The following TRHDE variants were observed in gnomAD, a reference collection of about 807,000 sequenced individuals.
TRHDE encodes thyrotropin-releasing hormone-degrading ectoenzyme.
Under a neutral mutation model 125.7 loss-of-function variants are expected in TRHDE, and 72 were observed. The ratio of observed to expected loss-of-function variants is 0.57; its 90% CI spans 0.47 to 0.70. TRHDE has a LOEUF of 0.70. Among genes scored for constraint, TRHDE ranks in the 30% least tolerant of loss-of-function variants. The pLI, the probability that TRHDE is intolerant of heterozygous loss-of-function variation, is 0.00. For synonymous variants in TRHDE, 509 were observed against 509.1 expected (o/e 1.00, Z 0.00); for missense variants, 1,110 against 1,327.1 (o/e 0.84, Z 2.54).
chr12:72,414,800 T>C (rs1223897533), intron 3 of TRHDE, among the ~76,000 whole-genome samples: 4 of 152,282 alleles, frequency 2.6e-5, no homozygotes, highest in East Asian at 3.9e-4. Context: ...CATTTACTGC[T>C]CTTTGTTGAT....
chr12:72,238,315 T>TATATATATATACACACACACATATAC (rs1878393069), intron 2 of TRHDE, among the ~76,000 whole-genome samples: 1 of 32,024 alleles, frequency 3.1e-5, no homozygotes, highest in African/African-American at 1.2e-4. Context: ...TATATATATA[T>TATATATATATACACACACACATATAC]ATATATACAT....
At chr12:72,302,506 T>C (rs981339302) in intron 2 of TRHDE, among the ~76,000 whole-genome samples, 1 of 152,186 alleles carries the variant, frequency 6.6e-6, no homozygotes, top group African/African-American at 2.4e-5. Flanking sequence ...ATATTTATAA[T>C]AATATAAGGA....
chr12:72,229,472 G>A (rs973918813), intron 2 of TRHDE, among the ~76,000 whole-genome samples: 4 of 152,144 alleles, frequency 2.6e-5, no homozygotes, highest in East Asian at 1.9e-4. Flanking sequence ...AATCCAAGAT[G>A]AGATTTGGGT....
intron 1 of TRHDE, among the ~76,000 whole-genome samples, chr12:72,087,735 G>T (rs1874700916): frequency 6.6e-6 from 1 of 152,064 alleles, no homozygotes. Flanking sequence ...TGGAACAACT[G>T]CTCAGGGAAT....
At chr12:72,435,427 C>A (rs1209466765) in intron 3 of TRHDE, among the ~76,000 whole-genome samples, 5 of 152,084 alleles carry the variant, frequency 3.3e-5, no homozygotes, top group Non-Finnish European at 5.9e-5. Context: ...TAGACGATAT[C>A]TAAACCAGGA....
intron 18 of TRHDE, among the ~76,000 whole-genome samples, chr12:72,660,121 T>C (rs542062861): frequency 6.5e-4 from 99 of 152,246 alleles, no homozygotes; most frequent in African/African-American, 2.3e-3. Flanking sequence ...CCCTTCCCTT[T>C]TAGGTAGCCA....
At chr12:72,478,748 A>G (rs1877013327) in intron 5 of TRHDE, among the ~76,000 whole-genome samples, 1 of 152,048 alleles carries the variant, frequency 6.6e-6, no homozygotes, top group South Asian at 2.1e-4. Context: ...GTAGTTGTAC[A>G]CTGAGTATAT....
intron 1 of TRHDE, among the ~76,000 whole-genome samples, chr12:72,090,476 A>C (rs950743051): frequency 1.3e-5 from 2 of 152,102 alleles, no homozygotes; most frequent in Non-Finnish European, 1.5e-5. Context: ...CTCCTTTTAT[A>C]TCTTGAATGT....
intron 10 of TRHDE, among the ~76,000 whole-genome samples, chr12:72,574,738 T>C (rs1870909302): frequency 6.6e-6 from 1 of 152,128 alleles, no homozygotes; most frequent in South Asian, 2.1e-4. Flanking sequence ...TTTATTTTAC[T>C]AGCATTATTG....
chr12:72,271,908 G>C (rs777156844), upstream of TRHDE: 2 of 456,564 alleles, frequency 4.4e-6, no homozygotes, highest in South Asian at 3.1e-5. Flanking sequence ...GAGTCTCGCT[G>C]TCGGGTCTGC....
chr12:72,245,481 GC>G (rs1441883003), intron 2 of TRHDE, among the ~76,000 whole-genome samples: 1 of 151,790 alleles, frequency 6.6e-6, no homozygotes. Flanking sequence ...GTCCTACAAG[GC>G]TATAAATCCT....
chr12:72,571,189 T>A (rs557404603), intron 10 of TRHDE, among the ~76,000 whole-genome samples: 1 of 152,298 alleles, frequency 6.6e-6, no homozygotes, highest in East Asian at 1.9e-4. Flanking sequence ...TTTTGTTTCC[T>A]TTTGTGTGTT....
chr12:72,278,845 C>T (rs907917544), intron 1 of TRHDE, among the ~76,000 whole-genome samples: 1 of 152,166 alleles, frequency 6.6e-6, no homozygotes, highest in East Asian at 1.9e-4. Context: ...GGTCATTAAT[C>T]ACTTATCAGA....
At chr12:72,523,842 T>C (rs1868287494) in intron 6 of TRHDE, among the ~76,000 whole-genome samples, 1 of 152,222 alleles carries the variant, frequency 6.6e-6, no homozygotes, top group South Asian at 2.1e-4. Flanking sequence ...TGGCTTGTTT[T>C]AGTTCCCTGG....
chr12:72,125,409 C>T (rs903604637), intron 2 of TRHDE, among the ~76,000 whole-genome samples: 1 of 151,994 alleles, frequency 6.6e-6, no homozygotes, highest in Non-Finnish European at 1.5e-5. Flanking sequence ...AAAACTGGAC[C>T]TCAGGTGCCC....
chr12:72,618,756 G>A, intron 12 of TRHDE, 135 bp from the exon 13 acceptor site: 1 of 630,078 alleles, frequency 1.6e-6, no homozygotes, highest in Non-Finnish European at 2.5e-6. Flanking sequence ...TTTTAAAAGT[G>A]AGTAATTTTA....
At chr12:72,596,115 C>A (rs1001367519) in intron 12 of TRHDE, among the ~76,000 whole-genome samples, 1 of 152,028 alleles carries the variant, frequency 6.6e-6, no homozygotes, top group Non-Finnish European at 1.5e-5. Context: ...GTAATATATT[C>A]TTTCCTAGTT....
At chr12:72,379,223 C>A (rs1014377019) in intron 3 of TRHDE, among the ~76,000 whole-genome samples, 2 of 152,150 alleles carry the variant, frequency 1.3e-5, no homozygotes, top group African/African-American at 4.8e-5. Flanking sequence ...AGAAAGTTGA[C>A]AGAATAGTTG....
chr12:72,654,104 T>A (rs925879354), intron 17 of TRHDE, among the ~76,000 whole-genome samples: 1 of 152,174 alleles, frequency 6.6e-6, no homozygotes, highest in Non-Finnish European at 1.5e-5. Flanking sequence ...TTTGTGCATA[T>A]AATAGAGTGA....
Sources: allele counts gnomAD v4.1 joint callset (sites outside exome capture counted in the v4.1 genomes callset), GRCh38; gene constraint gnomAD v4.1.1; transcripts MANE v1.5; gene names NCBI Gene and HGNC (gene_info 2026-07-23, HGNC 2026-07-21).